NR4A1: variants seen among roughly 807,000 people sequenced by gnomAD.
The protein encoded by NR4A1 is nuclear receptor subfamily 4 group A member 1.
Under a neutral mutation model 47.5 loss-of-function variants are expected in NR4A1, and 24 were observed. That is an observed-to-expected ratio of 0.50 (90% CI 0.37 to 0.71). The LOEUF is 0.71. Among genes scored for constraint, NR4A1 ranks in the 30% least tolerant of loss-of-function variants. The probability of loss-of-function intolerance (pLI) is 0.00; values close to 1 mark genes in which losing one functional copy is unlikely to be tolerated. For missense variants in NR4A1, 669 were observed against 788.6 expected (o/e 0.85, Z 1.82); for synonymous variants, 353 against 345.7 (o/e 1.02, Z -0.24).
intron 1 of NR4A1, among the ~76,000 whole-genome samples, chr12:52,051,993 A>G (rs1938983646): frequency 6.6e-6 from 1 of 152,104 alleles, no homozygotes; most frequent in African/African-American, 2.4e-5. Flanking sequence ...GATTTCCAAA[A>G]GGCCCTCCTT....
chr12:52,043,139 T>C (rs2120988908), intron 2 of NR4A1, among the ~76,000 whole-genome samples: 1 of 152,258 alleles, frequency 6.6e-6, no homozygotes, highest in South Asian at 2.1e-4. Context: ...GGCCTCCTGA[T>C]GGCAGCAGGT....
intron 1 of NR4A1, among the ~76,000 whole-genome samples, chr12:52,029,324 C>T (rs1421923293): frequency 3.3e-5 from 5 of 152,216 alleles, no homozygotes; most frequent in African/African-American, 9.7e-5. Context: ...GACTTTGCAC[C>T]CTCCTTGTGT....
Position 52,057,095 on chromosome 12 carries a change from T to A in NR4A1, c.1197T>A (p.Asp399Glu). The A allele has an allele frequency of 1.9e-6, 3 of 1,611,540 alleles. No homozygotes were observed. Among genetic ancestry groups the A allele is most frequent in the Non-Finnish European group, 2.5e-6 (3 of 1,178,814 alleles). Residue 399 changes from aspartate (D) to glutamate (E), a missense_variant, in exon 5 of 7, where the codon GAT (aspartate) becomes GAA (glutamate). By Grantham distance (45) the Asp-to-Glu change is conservative. Transcript: ENST00000394825. ...TGCTGCCCCACTTTGGGAAGGAAGA[T>A]GCTGGGGATGTACAGCAGTTCTACG... ...ELVLPHFGKEDAGDVQQFYDL... is the reference protein window; with the variant it reads ...ELVLPHFGKEEAGDVQQFYDL...
At chr12:52,058,652 C>G in intron 6 of NR4A1, 36 bp from the exon 7 acceptor site, 2 of 1,511,438 alleles carry the variant, frequency 1.3e-6, no homozygotes, top group South Asian at 2.5e-5. Flanking sequence ...GGGCCTGGTT[C>G]TCAGATGTAC....
Position 52,038,591 on chromosome 12 carries a change from G to T in NR4A1, c.-83-3219G>T, listed in dbSNP as rs567748755. ...GTCGGCCTGGCTTGGGGCCCTAGTG[G>T]TGGGGCTACAAGGCTTGCTCCTAGA... On this transcript the variant is annotated intron_variant, in intron 1 of 7. Coordinates refer to the NR4A1 transcript ENST00000360284. The T allele has an allele frequency of 7.3e-5, 48 of 654,302 alleles. 1 individual carries two copies. The South Asian group carries it at 7.9e-4, about 11-fold the overall frequency. The allele number at this position is 654,302 out of a possible 1,614,324, so 40.5% of individuals were successfully genotyped here.
intron 1 of NR4A1, among the ~76,000 whole-genome samples, chr12:52,051,773 C>T (rs983604417): frequency 6.6e-6 from 1 of 152,052 alleles, no homozygotes; most frequent in Non-Finnish European, 1.5e-5. Context: ...TGACTACCTG[C>T]AAAGTGGAAG....
chr12:52,028,825 C>T (rs1246216369), intron 1 of NR4A1, among the ~76,000 whole-genome samples: 2 of 152,056 alleles, frequency 1.3e-5, no homozygotes, highest in Non-Finnish European at 2.9e-5. Flanking sequence ...ATTACTTGAA[C>T]CCGGGAAGCG....
At chr12:52,042,557 G>A (rs959277187) in intron 2 of NR4A1, among the ~76,000 whole-genome samples, 10 of 152,162 alleles carry the variant, frequency 6.6e-5, no homozygotes, top group African/African-American at 2.4e-4. Flanking sequence ...GGTACAGAGG[G>A]GAGAAATGAC....
At chr12:52,041,146 T>TA (rs964817965) in intron 1 of NR4A1, among the ~76,000 whole-genome samples, 4 of 152,180 alleles carry the variant, frequency 2.6e-5, no homozygotes, top group Non-Finnish European at 5.9e-5. Flanking sequence ...ATGTAGTAGA[T>TA]ATGTGTATCC....
At chr12:52,054,270 C>T in intron 1 of NR4A1, 57 bp from the exon 2 acceptor site, 2 of 1,449,878 alleles carry the variant, frequency 1.4e-6, no homozygotes, top group South Asian at 1.3e-5. Flanking sequence ...TGAGACAAGG[C>T]TATAGGCTTG....
At chr12:52,037,877 G>A in intron 1 of NR4A1, 2 of 984,832 alleles carry the variant, frequency 2.0e-6, no homozygotes, top group Non-Finnish European at 2.4e-6. Context: ...TGGGGATTAG[G>A]ACTCGGGGCT....
At chr12:52,047,077 C>T (rs1938677651), upstream of NR4A1, among the ~76,000 whole-genome samples, 1 of 152,100 alleles carries the variant, frequency 6.6e-6, no homozygotes, top group African/African-American at 2.4e-5. Flanking sequence ...ACATCTCTCC[C>T]CGCCCTTCCA....
At chr12:52,032,398 C>CT (rs1938145811) in intron 1 of NR4A1, among the ~76,000 whole-genome samples, 1 of 152,234 alleles carries the variant, frequency 6.6e-6, no homozygotes, top group Non-Finnish European at 1.5e-5. Context: ...ACTACTCCAG[C>CT]TTGCGGAGGG....
At chr12:52,048,948 G>A (rs1938787277), upstream of NR4A1, among the ~76,000 whole-genome samples, 1 of 152,172 alleles carries the variant, frequency 6.6e-6, no homozygotes, top group Non-Finnish European at 1.5e-5. Context: ...AGGGATCCTG[G>A]ATGGGTCCAA....
chr12:52,054,841 G>A lies in NR4A1; in HGVS notation c.513G>A (p.Arg171=), dbSNP rs1939170453. The A allele has an allele frequency of 8.7e-6, 14 of 1,613,840 alleles. No individual in the cohort carries two copies. The highest frequency in any genetic ancestry group is 1.2e-5 in the Non-Finnish European group (14 of 1,180,000). ...FSPSQTYEGL[R]AWTEQLPKAS... is the part of the protein sequence containing the mutation. ...CCAGCCAGACTTACGAAGGCCTGCG[G>A]GCATGGACAGAGCAGCTGCCCAAAG... Residue 171 remains arginine (R), a synonymous_variant, in exon 2 of 7, where the codon CGG becomes CGA. Transcript: ENST00000394825.
At chr12:52,042,275 C>A (rs1938469164) in intron 2 of NR4A1, among the ~76,000 whole-genome samples, 2 of 152,032 alleles carry the variant, frequency 1.3e-5, no homozygotes, top group African/African-American at 4.8e-5. Context: ...TGTCTGGGGG[C>A]TGGGCTGGGA....
At position 52,055,075 on chromosome 12, in the gene NR4A1, C is replaced by T. The variant is rs2230439; in HGVS notation, c.747C>T (p.Pro249=). ...HLEGSGILDT[P]VTSTKARSGA... ...AGGGCTCGGGGATACTGGATACACC[C>T]GTGACCTCAACCAAGGCCCGGAGCG... Residue 249 remains proline (P), a synonymous_variant, in exon 2 of 7, where the codon CCC becomes CCT. Coordinates refer to ENST00000394825, the MANE Select transcript of NR4A1 (RefSeq NM_173157.3). 14,375 of 1,614,226 alleles carry T rather than the reference C, an allele frequency of 8.9e-3. 1,035 individuals carry two copies. In the African/African-American group the frequency reaches 0.16, roughly 18 times the overall value.
In NR4A1 at chr12:52,057,224, C is replaced by T; in HGVS notation, c.1326C>T (p.Ala442=). The change falls in exon 5 of 7, where the codon GCC becomes GCT. Residue 442 remains alanine (A), a synonymous_variant. Coordinates refer to ENST00000394825, the MANE Select transcript of NR4A1 (RefSeq NM_173157.3). ...ACCAGGACCTGTTGCTGGAGTCGGCCTTCCTGGAGCTCTTCATCCTCCGCC... is the reference window on the plus strand; with the variant it reads ...ACCAGGACCTGTTGCTGGAGTCGGCTTTCCTGGAGCTCTTCATCCTCCGCC... The part of the protein sequence containing the change: ...PADQDLLLES[A]FLELFILRLA... 5 of 1,613,974 alleles carry T rather than the reference C, an allele frequency of 3.1e-6. No individual in the cohort carries two copies. The highest frequency in any genetic ancestry group is 4.2e-6 in the Non-Finnish European group (5 of 1,179,900).
chr12:52,034,913 C>CT (rs1469830504), intron 1 of NR4A1, among the ~76,000 whole-genome samples: 2 of 152,196 alleles, frequency 1.3e-5, no homozygotes, highest in East Asian at 3.8e-4. Flanking sequence ...CCGCTTCATG[C>CT]TTTATGTCTG....
Sources: gnomAD v4.1 joint callset for allele counts (sites outside exome capture counted in the v4.1 genomes callset) on GRCh38, gnomAD v4.1.1 for gene constraint, MANE v1.5 for transcripts, NCBI Gene and HGNC (gene_info 2026-07-23, HGNC 2026-07-21) for gene names.